Variants in RGS22 observed in about 807,000 individuals in gnomAD.
RGS22 encodes the protein regulator of G protein signaling 22.
A neutral mutation model predicts 172.9 loss-of-function variants in RGS22; 148 were observed. The ratio of observed to expected loss-of-function variants is 0.86; its 90% CI spans 0.75 to 0.98. RGS22 has a LOEUF of 0.98. Among genes scored for constraint, RGS22 ranks in the 50% least tolerant of loss-of-function variants. The pLI is 0.00. For missense variants in RGS22, 1,347 were observed against 1,440.8 expected (o/e 0.93, Z 1.05); for synonymous variants, 458 against 480.2 (o/e 0.95, Z 0.60).
At chr8:99,998,828 G>C (rs1291857025) in intron 19 of RGS22, among the ~76,000 whole-genome samples, 5 of 152,036 alleles carry the variant, frequency 3.3e-5, no homozygotes, top group Middle Eastern at 3.4e-3. Flanking sequence ...ACCACACGTG[G>C]CTGACTCCAT....
At chr8:100,041,687 T>C in intron 12 of RGS22, 115 bp downstream of exon 12, 1 of 588,082 alleles carries the variant, frequency 1.7e-6, no homozygotes. Context: ...AAAAATCAAA[T>C]GTGTTGCTTA....
At chr8:99,973,868 C>CAAAAAAA (rs563552845) in intron 23 of RGS22, among the ~76,000 whole-genome samples, 1 of 94,452 alleles carries the variant, frequency 1.1e-5, no homozygotes, top group African/African-American at 3.8e-5. Context: ...GACTCCATCT[C>CAAAAAAA]AAAAAAAAAA....
chr8:100,052,054 T>A (rs1821630593), intron 10 of RGS22, among the ~76,000 whole-genome samples: 2 of 95,734 alleles, frequency 2.1e-5, no homozygotes, highest in Admixed American at 1.6e-4. Flanking sequence ...TGTTTATATA[T>A]ATTTATATAT....
At chr8:100,066,507 T>G (rs1036114876) in intron 6 of RGS22, among the ~76,000 whole-genome samples, 3 of 152,174 alleles carry the variant, frequency 2.0e-5, no homozygotes, top group Non-Finnish European at 2.9e-5. Context: ...TTTTTCATAT[T>G]TGATAACCAA....
intron 21 of RGS22, among the ~76,000 whole-genome samples, chr8:99,985,599 G>A (rs1029398332): frequency 3.9e-5 from 6 of 152,072 alleles, no homozygotes; most frequent in Non-Finnish European, 5.9e-5. Flanking sequence ...ACCTTTTTAC[G>A]CCTACAATTT....
rs570224982 is a variant in RGS22, at chr8:100,043,051, C to G, written c.1824-1135G>C. Among the ~76,000 whole-genome samples the G allele has an allele frequency of 2.6e-5, 4 of 152,322 alleles. No homozygotes were observed. In the East Asian group the frequency reaches 7.7e-4, roughly 29 times the overall value. ...CATGAGGGAAAGGCCAAGAGCCTCA[C>G]AAAGATTCAGGCCCTAATCTTTCTG... On this transcript the variant is annotated intron_variant, in intron 11 of 27. Coordinates refer to ENST00000360863, the MANE Select transcript of RGS22 (RefSeq NM_015668.5).
At chr8:99,985,443 C>T (rs1812986583) in intron 21 of RGS22, among the ~76,000 whole-genome samples, 1 of 152,160 alleles carries the variant, frequency 6.6e-6, no homozygotes, top group Admixed American at 6.5e-5. Flanking sequence ...CTGAGACCTC[C>T]CTGACCTATT....
intron 27 of RGS22, 76 bp from the exon 28 acceptor site, chr8:99,961,272 CA>C (rs1398400682): frequency 2.4e-6 from 1 of 425,058 alleles, no homozygotes; most frequent in Non-Finnish European, 4.6e-6. Context: ...TGCAAAACAA[CA>C]AAAAACTTAT....
rs768948430 is a variant in RGS22 at position 100,066,295 on chromosome 8, G to A, written c.596C>T (p.Ala199Val). The A allele has an allele frequency of 6.2e-7, 1 of 1,612,428 alleles. No individual in the cohort carries two copies. The highest frequency in any genetic ancestry group is 8.5e-7 in the Non-Finnish European group (1 of 1,178,776). Residue 199 changes from alanine to valine, a missense_variant and splice_region_variant, in exon 7 of 28, where the codon GCT (alanine) becomes GTT (valine). Physicochemically the swap from Ala to Val is moderately conservative, Grantham distance 64. Transcript: ENST00000360863. ...MKKFYVSLGEASYTQTKDWFA... is the reference protein window; with the variant it reads ...MKKFYVSLGEVSYTQTKDWFA... ...CCAATCTTTTGTTTGAGTATAGGAA[G>A]CCTAGGAAGAAGGGAGCATATTAGT...
chr8:100,101,620 T>C (rs947054380), intron 2 of RGS22, among the ~76,000 whole-genome samples: 8 of 151,858 alleles, frequency 5.3e-5, no homozygotes, highest in African/African-American at 1.7e-4. Context: ...AATTTTGTAA[T>C]TCACTCTCAC....
At chr8:100,095,784 C>T (rs997295857) in intron 2 of RGS22, among the ~76,000 whole-genome samples, 1 of 152,180 alleles carries the variant, frequency 6.6e-6, no homozygotes, top group Non-Finnish European at 1.5e-5. Context: ...TTTGCACTTA[C>T]AGAAAACTAT....
intron 2 of RGS22, among the ~76,000 whole-genome samples, chr8:100,094,494 T>C (rs1010216074): frequency 6.6e-6 from 1 of 152,208 alleles, no homozygotes; most frequent in African/African-American, 2.4e-5. Context: ...CTTTAAGTAA[T>C]TGCAGCATCA....
At chr8:100,041,694 C>A in intron 12 of RGS22, 108 bp downstream of exon 12, 2 of 612,714 alleles carry the variant, frequency 3.3e-6, no homozygotes, top group South Asian at 2.2e-5. Flanking sequence ...AAATGTGTTG[C>A]TTAGTAAAGA....
chr8:99,982,512 C>T (rs1430867164), intron 21 of RGS22, among the ~76,000 whole-genome samples: 2 of 152,170 alleles, frequency 1.3e-5, no homozygotes, highest in African/African-American at 4.8e-5. Context: ...AGTGTGAGAA[C>T]ATGTTGCTCC....
intron 14 of RGS22, among the ~76,000 whole-genome samples, chr8:100,015,507 G>T (rs1460220544): frequency 6.6e-6 from 1 of 152,090 alleles, no homozygotes; most frequent in Non-Finnish European, 1.5e-5. Context: ...CAGCCAGGCT[G>T]GTCTTGAGCT....
chr8:99,969,643 C>A (rs574456010), intron 23 of RGS22, among the ~76,000 whole-genome samples: 18 of 152,182 alleles, frequency 1.2e-4, no homozygotes, highest in African/African-American at 3.9e-4. Flanking sequence ...AAGGGCATTA[C>A]ATAATGTTAA....
At chr8:100,083,361 G>A (rs1248022050) in intron 3 of RGS22, among the ~76,000 whole-genome samples, 3 of 152,146 alleles carry the variant, frequency 2.0e-5, no homozygotes, top group African/African-American at 7.2e-5. Flanking sequence ...AAAGCAGGTA[G>A]TTAACAATTA....
intron 21 of RGS22, among the ~76,000 whole-genome samples, chr8:99,983,825 T>C (rs887682211): frequency 2.4e-4 from 37 of 152,308 alleles, no homozygotes; most frequent in Admixed American, 2.2e-3. Context: ...ATGCTGGGCA[T>C]TGTAATAGCT....
intron 11 of RGS22, among the ~76,000 whole-genome samples, chr8:100,043,725 A>G (rs1029104851): frequency 6.6e-6 from 1 of 152,090 alleles, no homozygotes; most frequent in Admixed American, 6.5e-5. Context: ...GCAGTGAGCC[A>G]AGATTGCGCC....
Sources: allele counts gnomAD v4.1 joint callset (sites outside exome capture counted in the v4.1 genomes callset), GRCh38; gene constraint gnomAD v4.1.1; transcripts MANE v1.5; gene names NCBI Gene and HGNC (gene_info 2026-07-23, HGNC 2026-07-21).